The following CEP57 variants were observed in gnomAD, a reference collection of about 807,000 sequenced individuals.
CEP57 encodes centrosomal protein of 57 kDa.
CEP57 carries 40 observed loss-of-function variants against 68.0 expected under a neutral mutation model. The ratio of observed to expected loss-of-function variants is 0.59; its 90% CI spans 0.46 to 0.77. The LOEUF is 0.77. CEP57 is among the 30% of genes least tolerant of loss of function. CEP57 has a pLI of 0.00. For synonymous variants in CEP57, 219 were observed against 198.7 expected (o/e 1.10, Z -0.86); for missense variants, 606 against 580.7 (o/e 1.04, Z -0.45).
At chr11:95,801,788 C>T (rs1367904857) in intron 2 of CEP57, among the ~76,000 whole-genome samples, 1 of 150,838 alleles carries the variant, frequency 6.6e-6, no homozygotes, top group African/African-American at 2.4e-5. Flanking sequence ...AGTGCAACAT[C>T]AGTGGTTTTA....
intron 1 of CEP57, among the ~76,000 whole-genome samples, chr11:95,792,950 A>T (rs1435357305): frequency 6.6e-6 from 1 of 152,114 alleles, no homozygotes; most frequent in African/African-American, 2.4e-5. Flanking sequence ...TTAAAACTAT[A>T]CCATGAACTG....
intron 2 of CEP57, among the ~76,000 whole-genome samples, chr11:95,802,455 A>G (rs1181577878): frequency 6.6e-6 from 1 of 151,958 alleles, no homozygotes; most frequent in Non-Finnish European, 1.5e-5. Context: ...GGGTTTAACC[A>G]TGTTGGCCAG....
intron 4 of CEP57, 34 bp downstream of exon 4, chr11:95,813,623 A>C (rs1357526477): frequency 3.1e-6 from 5 of 1,610,492 alleles, no homozygotes; most frequent in Non-Finnish European, 4.2e-6. Flanking sequence ...GATACTCAAG[A>C]ACAGTTATGG....
At chr11:95,812,260 A>G (rs936089016) in intron 2 of CEP57, among the ~76,000 whole-genome samples, 1 of 152,070 alleles carries the variant, frequency 6.6e-6, no homozygotes, top group South Asian at 2.1e-4. Context: ...ATTTTAATTA[A>G]TAAGTAATAT....
chr11:95,802,655 A>C (rs1249063549), intron 2 of CEP57, among the ~76,000 whole-genome samples: 1 of 152,232 alleles, frequency 6.6e-6, no homozygotes, highest in East Asian at 1.9e-4. Flanking sequence ...ATAGTAGTTT[A>C]GTGTTACTAC....
chr11:95,800,086 GTT>G (rs1861509583), intron 2 of CEP57, among the ~76,000 whole-genome samples: 1 of 152,096 alleles, frequency 6.6e-6, no homozygotes, highest in South Asian at 2.1e-4. Flanking sequence ...TGTTATCTCA[GTT>G]TTCTGTAGGT....
At position 95,832,302 on chromosome 11, in the gene CEP57, TAGG is replaced by T. The variant is rs772260305; in HGVS notation, c.*1051_*1053del. ...AGCTCTCAAAAAATGCATTTCTAAA[TAGG>T]AGGACATCAATGTATTGATGAAGAG... On this transcript the variant is annotated 3_prime_UTR_variant, in exon 11 of 11. Transcript: ENST00000325542. 1.3e-5 allele frequency: 2 copies of T among 152,076 alleles called. No homozygotes were observed. The highest frequency in any genetic ancestry group is 2.4e-5 in the African/African-American group (1 of 41,416). 9.4% of individuals were successfully genotyped at this position (152,076 alleles called of 1,614,324 possible). A position where few individuals can be genotyped will look rare whatever the true frequency, so the allele number is the denominator to read the frequency against.
At chr11:95,794,112 A>G (rs1861226572) in intron 1 of CEP57, 1 of 344,324 alleles carries the variant, frequency 2.9e-6, no homozygotes, top group Admixed American at 3.7e-5. Context: ...GCAGAAATGT[A>G]AAATAGTGCC....
rs990285310 is a variant in CEP57, at chr11:95,802,807, G to A, written c.202+3419G>A. ...GTTGACCTCACAGGCCCTGGGAAAG[G>A]CCTCATGAGCTCTGCCCTCAATGTG... On this transcript the variant is annotated intron_variant, in intron 2 of 10. Coordinates refer to ENST00000325542, the MANE Select transcript of CEP57 (RefSeq NM_014679.5). Among the ~76,000 whole-genome samples the A allele has an allele frequency of 4.6e-5, 7 of 152,186 alleles. No homozygotes were observed. In the East Asian group the frequency reaches 1.3e-3, roughly 29 times the overall value.
intron 8 of CEP57, chr11:95,826,216 G>C (rs1048741921): frequency 6.6e-6 from 1 of 152,120 alleles, no homozygotes; most frequent in Non-Finnish European, 1.5e-5. Context: ...TTAATGAATA[G>C]TAAATATACT....
At chr11:95,795,499 C>CTTTTTTTTTTTTTT (rs5793747) in intron 1 of CEP57, 1 of 331,300 alleles carries the variant, frequency 3.0e-6, no homozygotes. Flanking sequence ...AGCTGTTATT[C>CTTTTTTTTTTTTTT]TTTTTTTTTT....
At chr11:95,827,435 C>G (rs1428880431) in intron 8 of CEP57, 1 of 253,256 alleles carries the variant, frequency 3.9e-6, no homozygotes, top group Non-Finnish European at 7.8e-6. Flanking sequence ...TATATTTGAA[C>G]TGGGTTTTAA....
At position 95,831,108 on chromosome 11, in the gene CEP57, G is replaced by A. The variant is rs1387556018; in HGVS notation, c.1355G>A (p.Ser452Asn). 1 of 1,613,386 alleles carries A rather than the reference G, an allele frequency of 6.2e-7. No individual in the cohort carries two copies. The highest frequency in any genetic ancestry group is 8.5e-7 in the Non-Finnish European group (1 of 1,179,592). The change falls in exon 11 of 11, where the codon AGC (serine) becomes AAC (asparagine). Residue 452 changes from serine to asparagine, a missense_variant. Physicochemically the swap from Ser to Asn is conservative, Grantham distance 46 (BLOSUM62 1). Transcript: ENST00000325542. ...CTTGATGAAGAAAGAAACAGCAGCA[G>A]CCGTTCTGGAATCACAGGGACCACA... The part of the protein sequence containing the change: ...KTLDEERNSS[S>N]RSGITGTTNK...
intron 4 of CEP57, 130 bp downstream of exon 4, chr11:95,813,719 A>G: frequency 9.4e-7 from 1 of 1,066,420 alleles, no homozygotes; most frequent in Non-Finnish European, 1.4e-6. Context: ...TCTTGGCATC[A>G]GTTATGAAAT....
intron 7 of CEP57, 96 bp from the exon 8 acceptor site, chr11:95,822,403 C>A (rs1298250177): frequency 1.4e-5 from 12 of 868,654 alleles, no homozygotes; most frequent in Non-Finnish European, 2.3e-5. Flanking sequence ...CAAGTAGTAG[C>A]CTAGTAGTTA....
chr11:95,827,487 C>A, intron 8 of CEP57: 1 of 343,814 alleles, frequency 2.9e-6, no homozygotes. Flanking sequence ...AAAATGTCAT[C>A]TGCAAATATG....
intron 1 of CEP57, among the ~76,000 whole-genome samples, chr11:95,793,590 C>A (rs1281647597): frequency 1.3e-5 from 2 of 152,160 alleles, no homozygotes; most frequent in Non-Finnish European, 1.5e-5. Flanking sequence ...CCCACTACCA[C>A]GTATTTTAAG....
upstream of CEP57, chr11:95,790,386 C>G (rs1045539824): frequency 1.7e-5 from 8 of 483,098 alleles, no homozygotes; most frequent in Non-Finnish European, 3.0e-5. Context: ...CAGCGGGCCC[C>G]GTTACGCGCT....
Position 95,831,508 on chromosome 11 carries a change from T to A in CEP57, c.*252T>A. The A allele has an allele frequency of 2.9e-6, 1 of 349,532 alleles. No individual in the cohort carries two copies. Among genetic ancestry groups the A allele is most frequent in the Non-Finnish European group, 5.3e-6 (1 of 189,214 alleles). The allele number at this position is 349,532 out of a possible 1,614,324, so 21.7% of individuals were successfully genotyped here. On this transcript the variant is annotated 3_prime_UTR_variant, in exon 11 of 11. Transcript: ENST00000325542. Reference sequence around the variant, plus strand: ...ATCTTTTGTTGAGATGAGTTTGCTGTACTGACGCTGCACTTTGTAAACAGA... The same window carrying A: ...ATCTTTTGTTGAGATGAGTTTGCTGAACTGACGCTGCACTTTGTAAACAGA...
Sources: allele counts gnomAD v4.1 joint callset (sites outside exome capture counted in the v4.1 genomes callset), GRCh38; gene constraint gnomAD v4.1.1; transcripts MANE v1.5; gene names NCBI Gene and HGNC (gene_info 2026-07-23, HGNC 2026-07-21).